Variants in DMD observed in about 807,000 individuals in gnomAD.
DMD encodes the protein dystrophin.
DMD carries 63 observed loss-of-function variants against 330.1 expected under a neutral mutation model. The ratio of observed to expected loss-of-function variants is 0.19; its 90% CI spans 0.16 to 0.24. The LOEUF (loss-of-function observed/expected upper bound fraction) is 0.24. Ranked by LOEUF, DMD falls within the 10% of genes least tolerant of loss-of-function variation. The probability of loss-of-function intolerance (pLI) is 1.00; values close to 1 mark genes in which losing one functional copy is unlikely to be tolerated. For synonymous variants in DMD, 1,223 were observed against 959.8 expected (o/e 1.27, Z -5.07); for missense variants, 3,344 against 2,684.1 (o/e 1.25, Z -5.43).
chrX:32,469,374 GA>G (rs1262450319), intron 22 of DMD, among the ~76,000 whole-genome samples: 3 of 105,552 alleles, frequency 2.8e-5, no homozygotes, highest in East Asian at 5.9e-4. Context: ...GACAAAAATG[GA>G]AAAAAAAACC....
intron 7 of DMD, among the ~76,000 whole-genome samples, chrX:32,753,832 C>A (rs778278870): frequency 3.8e-4 from 42 of 111,860 alleles, no homozygotes; most frequent in Admixed American, 3.4e-3. Context: ...GCCTTATTCA[C>A]CTTTATATAA....
At chrX:31,611,559 C>T (rs2077919801) in intron 55 of DMD, among the ~76,000 whole-genome samples, 1 of 111,785 alleles carries the variant, frequency 8.9e-6, no homozygotes, top group African/African-American at 3.2e-5. Flanking sequence ...GCAAAATATA[C>T]ACAACATAAA....
At chrX:32,806,272 A>G (rs1251411800) in intron 7 of DMD, among the ~76,000 whole-genome samples, 1 of 111,755 alleles carries the variant, frequency 8.9e-6, no homozygotes, top group African/African-American at 3.3e-5. Context: ...AAAAAAATAA[A>G]AGCAGGGGTT....
chrX:31,650,302 G>T (rs1222033091), intron 54 of DMD, among the ~76,000 whole-genome samples: 2 of 104,770 alleles, frequency 1.9e-5, no homozygotes, highest in Non-Finnish European at 3.9e-5. Context: ...ATTATGAGCA[G>T]GCCCCAATGT....
chrX:31,610,695 T>C (rs1477522335), intron 55 of DMD, among the ~76,000 whole-genome samples: 1 of 112,033 alleles, frequency 8.9e-6, no homozygotes, highest in African/African-American at 3.2e-5. Flanking sequence ...AGTATTATAA[T>C]TGGATTAAGT....
intron 11 of DMD, among the ~76,000 whole-genome samples, chrX:32,639,127 C>T (rs764887958): frequency 3.6e-5 from 4 of 111,951 alleles, no homozygotes; most frequent in Non-Finnish European, 7.5e-5. Flanking sequence ...CCTGCATGTC[C>T]TAACTACAAT....
At chrX:32,161,952 C>T (rs1209537564) in intron 44 of DMD, among the ~76,000 whole-genome samples, 1 of 111,549 alleles carries the variant, frequency 9.0e-6, no homozygotes, top group Non-Finnish European at 1.9e-5. Flanking sequence ...AGAGTTAGAA[C>T]ACTAGCAAGG....
At chrX:32,762,141 ACT>A (rs1353463680) in intron 7 of DMD, among the ~76,000 whole-genome samples, 3 of 104,438 alleles carry the variant, frequency 2.9e-5, no homozygotes, top group Non-Finnish European at 3.9e-5. Flanking sequence ...ACAGAGCAAG[ACT>A]CTGTCTCAAA....
intron 50 of DMD, among the ~76,000 whole-genome samples, chrX:31,819,044 A>C (rs866066589): frequency 9.1e-6 from 1 of 110,275 alleles, no homozygotes; most frequent in African/African-American, 3.3e-5. Context: ...AAAAAAAAAA[A>C]CAAAAACAAA....
At chrX:32,167,104 C>T (rs978170358) in intron 44 of DMD, among the ~76,000 whole-genome samples, 1 of 111,733 alleles carries the variant, frequency 8.9e-6, no homozygotes, top group African/African-American at 3.3e-5. Context: ...CCTACCTGTG[C>T]ATTCAGTCAT....
intron 51 of DMD, among the ~76,000 whole-genome samples, chrX:31,738,101 G>C (rs2149058492): frequency 8.9e-6 from 1 of 112,018 alleles, no homozygotes; most frequent in African/African-American, 3.2e-5. Flanking sequence ...CAGTAATCCT[G>C]TGCCTCCATA....
At chrX:32,813,583 C>T (rs923823639) in intron 6 of DMD, among the ~76,000 whole-genome samples, 2 of 111,792 alleles carry the variant, frequency 1.8e-5, no homozygotes, top group Admixed American at 1.9e-4. Flanking sequence ...ACATTCGTTT[C>T]TATTATTTTG....
intron 41 of DMD, among the ~76,000 whole-genome samples, chrX:32,315,944 G>A (rs763530845): frequency 9.0e-6 from 1 of 111,630 alleles, no homozygotes; most frequent in Non-Finnish European, 1.9e-5. Flanking sequence ...ACAAATAATT[G>A]TAATTCTGTA....
chrX:31,229,537 G>C (rs750966338), intron 63 of DMD, among the ~76,000 whole-genome samples: 6 of 111,865 alleles, frequency 5.4e-5, no homozygotes, highest in African/African-American at 1.9e-4. Context: ...AGATAAATTG[G>C]TATAGTGGTC....
intron 1 of DMD, among the ~76,000 whole-genome samples, chrX:33,308,292 C>T (rs780249381): frequency 8.9e-6 from 1 of 112,132 alleles, no homozygotes; most frequent in East Asian, 2.8e-4. Context: ...CCAGTCTTTG[C>T]CCAACTTTGG....
chrX:31,460,288 T>G (rs73212364), intron 59 of DMD, among the ~76,000 whole-genome samples: 12,120 of 110,894 alleles, frequency 0.11, 505 homozygotes, highest in East Asian at 0.2. Context: ...TCTATTTCTA[T>G]ACACAAAAAT....
chrX:33,282,662 C>T (rs530297008), intron 1 of DMD, among the ~76,000 whole-genome samples: 2 of 112,031 alleles, frequency 1.8e-5, no homozygotes, highest in South Asian at 3.7e-4. Context: ...AGTCCTAAAT[C>T]CCTGGGAAAG....
intron 34 of DMD, among the ~76,000 whole-genome samples, chrX:32,365,651 C>A (rs1156495884): frequency 3.6e-5 from 4 of 111,176 alleles, no homozygotes; most frequent in Non-Finnish European, 7.5e-5. Flanking sequence ...AACCCATTCT[C>A]ATAATAATGC....
At chrX:31,884,407 T>C (rs2094121868) in intron 47 of DMD, among the ~76,000 whole-genome samples, 1 of 111,074 alleles carries the variant, frequency 9.0e-6, no homozygotes, top group Admixed American at 9.6e-5. Context: ...GAAAGGCAAA[T>C]ACTGTATGAT....
Sources: allele counts gnomAD v4.1 joint callset (sites outside exome capture counted in the v4.1 genomes callset), GRCh38; gene constraint gnomAD v4.1.1; transcripts MANE v1.5; gene names NCBI Gene and HGNC (gene_info 2026-07-23, HGNC 2026-07-21).